ARHGEF10: variants seen among roughly 807,000 people sequenced by gnomAD.
ARHGEF10 encodes the protein Rho guanine nucleotide exchange factor 10.
ARHGEF10 carries 140 observed loss-of-function variants against 147.4 expected under a neutral mutation model. The observed-to-expected ratio is 0.95, with a 90% CI of 0.83 to 1.09. The LOEUF is 1.09. Ranked by LOEUF, ARHGEF10 falls within the 50% of genes least tolerant of loss-of-function variation. The pLI is 0.00. For synonymous variants in ARHGEF10, 902 were observed against 695.8 expected (o/e 1.30, Z -4.67); for missense variants, 2,222 against 1,752.7 (o/e 1.27, Z -4.78).
chr8:1,900,497 A>G (rs1810365960), intron 15 of ARHGEF10, among the ~76,000 whole-genome samples: 2 of 152,142 alleles, frequency 1.3e-5, no homozygotes, highest in South Asian at 4.2e-4. Context: ...CAAATCTAGT[A>G]CACTGTCCAC....
chr8:1,891,302 T>TG (rs983015758), intron 11 of ARHGEF10, among the ~76,000 whole-genome samples: 8 of 152,204 alleles, frequency 5.3e-5, no homozygotes, highest in African/African-American at 1.7e-4. Flanking sequence ...AGTGGTTAAA[T>TG]GGGGGGTATT....
At chr8:1,927,826 A>G (rs957342742) in intron 23 of ARHGEF10, among the ~76,000 whole-genome samples, 2 of 152,180 alleles carry the variant, frequency 1.3e-5, no homozygotes, top group Non-Finnish European at 2.9e-5. Flanking sequence ...CTATAGTCCC[A>G]GTTTCTCAGG....
chr8:1,899,069 T>C (rs1275860549), intron 15 of ARHGEF10, among the ~76,000 whole-genome samples: 1 of 152,208 alleles, frequency 6.6e-6, no homozygotes, highest in Non-Finnish European at 1.5e-5. Flanking sequence ...TGGACCCTCA[T>C]TTCTCTAAAC....
chr8:1,928,389 TG>T, intron 23 of ARHGEF10, 37 bp from the exon 24 acceptor site: 1 of 1,594,724 alleles, frequency 6.3e-7, no homozygotes, highest in Non-Finnish European at 8.6e-7. Context: ...AGCCGCCACA[TG>T]GTCGTTTTCT....
At chr8:1,912,770 G>GT (rs951693070) in intron 18 of ARHGEF10, among the ~76,000 whole-genome samples, 3 of 152,160 alleles carry the variant, frequency 2.0e-5, no homozygotes, top group African/African-American at 7.2e-5. Context: ...CCATGGATTG[G>GT]TTTAAGCTCC....
chr8:1,880,228 G>T, intron 9 of ARHGEF10, 64 bp downstream of exon 9: 1 of 1,132,864 alleles, frequency 8.8e-7, no homozygotes, highest in South Asian at 1.2e-5. Flanking sequence ...AAACCGCGCG[G>T]CTCGGTCGGT....
intron 28 of ARHGEF10, among the ~76,000 whole-genome samples, chr8:1,954,040 G>C (rs1208003542): frequency 6.6e-6 from 1 of 152,054 alleles, no homozygotes; most frequent in Non-Finnish European, 1.5e-5. Context: ...ATGATATATG[G>C]GATTGTACAT....
rs550633653 is a variant in ARHGEF10 at position 1,836,170 on chromosome 8, G to T, written c.-47-7183G>T. Among the ~76,000 whole-genome samples, 8 of 139,030 alleles carry T rather than the reference G, an allele frequency of 5.8e-5. No homozygotes were observed. In the East Asian group the frequency reaches 1.4e-3, roughly 25 times the overall value. The allele number at this position is 139,030 out of a possible 152,430, so 91.2% of individuals were successfully genotyped here. A position where few individuals can be genotyped will look rare whatever the true frequency, so the allele number is the denominator to read the frequency against. ...CATTCCAGCCTGGGCGACAGAGCAA[G>T]ACTCTGCCATGGAAAAAAAAAAAAG... On this transcript the variant is annotated intron_variant, in intron 1 of 28. Coordinates refer to ENST00000349830, the MANE Select transcript of ARHGEF10 (RefSeq NM_014629.4).
chr8:1,834,239 C>T (rs1803443921), intron 1 of ARHGEF10, among the ~76,000 whole-genome samples: 1 of 152,236 alleles, frequency 6.6e-6, no homozygotes, highest in Non-Finnish European at 1.5e-5. Context: ...TGATTCTGAC[C>T]CGGTTAGCTC....
Position 1,957,069 on chromosome 8 carries a change from A to T in ARHGEF10, c.3841A>T (p.Ile1281Phe), listed in dbSNP as rs1815637002. 3.7e-6 allele frequency: 6 copies of T among 1,613,690 alleles called. No homozygotes were observed. The highest frequency in any genetic ancestry group is 5.1e-6 in the Non-Finnish European group (6 of 1,180,014). Residue 1281 changes from isoleucine to phenylalanine, a missense_variant, in exon 29 of 29, where the codon ATC becomes TTC. Coordinates refer to ENST00000349830, the MANE Select transcript of ARHGEF10 (RefSeq NM_014629.4). ...AGAGCACAGATCAGAGGACAGCACC[A>T]TCTATGATCTCCTGAAGGATCCTGT... ...SLEHRSEDSTIYDLLKDPVSL... is the reference protein window; with the variant it reads ...SLEHRSEDSTFYDLLKDPVSL...
rs2272613 is a variant in ARHGEF10 at position 1,925,374 on chromosome 8, C to T, written c.2580C>T (p.Pro860=). ...ATCCTCTCCTCGTCGGACACATGCCCGTGATGGTGGCCAAGCAGCAGGAGT... is the reference window on the plus strand; with the variant it reads ...ATCCTCTCCTCGTCGGACACATGCCTGTGATGGTGGCCAAGCAGCAGGAGT... ...EKHPLLVGHM[P]VMVAKQQEFK... is the part of the protein sequence containing the mutation. The change falls in exon 22 of 29, where the codon CCC becomes CCT. Residue 860 remains proline (P), a synonymous_variant. Transcript: ENST00000349830. The T allele has an allele frequency of 0.067, 108,496 of 1,614,034 alleles. 5,226 individuals are homozygous for T. Among genetic ancestry groups the T allele is most frequent in the East Asian group, 0.27 (12,310 of 44,858 alleles).
In ARHGEF10 at chr8:1,922,954, T is replaced by C; in HGVS notation, c.2144-10T>C. ...TGTATTCTTTTTTTTTCTTTTTGCT[T>C]ATTTTGTAGACAAAGTTTACATGGG... is the stretch of plus-strand genomic sequence containing the variant. On this transcript the variant is annotated splice_polypyrimidine_tract_variant and intron_variant, in intron 18 of 28. Transcript: ENST00000349830. 1.3e-6 allele frequency: 2 copies of C among 1,588,388 alleles called. No homozygotes were observed. The highest frequency in any genetic ancestry group is 2.2e-5 in the East Asian group (1 of 44,720).
chr8:1,916,076 C>A (rs568527231), intron 18 of ARHGEF10, among the ~76,000 whole-genome samples: 1 of 152,340 alleles, frequency 6.6e-6, no homozygotes, highest in Admixed American at 6.5e-5. Context: ...CCAGTCATTC[C>A]CATAAGTCTC....
rs1253453220 is a variant in ARHGEF10, at chr8:1,857,883, T to TATCG, written c.38-74_38-73insGATC. On this transcript the variant is annotated intron_variant, in intron 2 of 28. Transcript: ENST00000349830. ...TCTGGCTAACATAGATCGATCGATC[T>TATCG]ATCTATCTATCTATCTATCTATCTA... 4.9e-6 allele frequency: 3 copies of TATCG among 608,540 alleles called. No individual in the cohort carries two copies. In the East Asian group the frequency reaches 1.0e-4, roughly 21 times the overall value. 37.7% of individuals were successfully genotyped at this position (608,540 alleles called of 1,614,324 possible). A position where few individuals can be genotyped will look rare whatever the true frequency, so the allele number is the denominator to read the frequency against.
intron 26 of ARHGEF10, among the ~76,000 whole-genome samples, chr8:1,942,079 C>T (rs1276836864): frequency 6.6e-6 from 1 of 151,998 alleles, no homozygotes; most frequent in African/African-American, 2.4e-5. Context: ...AGATCTGACA[C>T]CTCAAGCACA....
At chr8:1,857,642 G>T (rs925001372) in intron 2 of ARHGEF10, among the ~76,000 whole-genome samples, 3 of 151,822 alleles carry the variant, frequency 2.0e-5, no homozygotes, top group African/African-American at 4.8e-5. Flanking sequence ...CTGGTCTCAA[G>T]CTTCTTACCT....
rs1213613544 is a variant in ARHGEF10 at position 1,880,200 on chromosome 8, C to T, written c.960+36C>T. ...GCCCCCGGCCGCTGCCCCCACTTGC[C>T]AGCCGGGCAGTAAAGAAAAACCGCG... On this transcript the variant is annotated intron_variant, in intron 9 of 28. Transcript: ENST00000349830. The T allele has an allele frequency of 5.4e-6, 8 of 1,482,618 alleles. No individual in the cohort carries two copies. In the African/African-American group the frequency reaches 8.3e-5, roughly 15 times the overall value. 91.8% of individuals were successfully genotyped at this position (1,482,618 alleles called of 1,614,324 possible).
intron 11 of ARHGEF10, among the ~76,000 whole-genome samples, chr8:1,888,751 A>G (rs13252555): frequency 0.1 from 1,215 of 11,876 alleles, 479 homozygotes; most frequent in East Asian, 0.55. Context: ...GAGACACTGA[A>G]TAGGGTGAGG....
chr8:1,894,886 G>T (rs1809849140), intron 13 of ARHGEF10, among the ~76,000 whole-genome samples: 1 of 152,218 alleles, frequency 6.6e-6, no homozygotes, highest in Admixed American at 6.5e-5. Flanking sequence ...GCTTTTTGTT[G>T]TTGAACAAGG....
Sources: gnomAD v4.1 joint callset for allele counts (sites outside exome capture counted in the v4.1 genomes callset) on GRCh38, gnomAD v4.1.1 for gene constraint, MANE v1.5 for transcripts, NCBI Gene and HGNC (gene_info 2026-07-23, HGNC 2026-07-21) for gene names.